Variants in NR6A1 observed in about 807,000 individuals in gnomAD.
NR6A1 encodes nuclear receptor subfamily 6 group A member 1.
NR6A1 carries 7 observed loss-of-function variants against 59.1 expected under a neutral mutation model. The ratio of observed to expected loss-of-function variants is 0.12; its 90% CI spans 0.07 to 0.22. NR6A1 has a LOEUF of 0.22. NR6A1 is among the 10% of genes least tolerant of loss of function. The pLI is 1.00. For synonymous variants in NR6A1, 243 were observed against 236.1 expected (o/e 1.03, Z -0.27); for missense variants, 468 against 611.6 (o/e 0.77, Z 2.48).
chr9:124,723,460 T>A (rs1839622112), intron 2 of NR6A1, among the ~76,000 whole-genome samples: 1 of 152,186 alleles, frequency 6.6e-6, no homozygotes, highest in Non-Finnish European at 1.5e-5. Flanking sequence ...TATGAGCTCT[T>A]CTATTCCTGT....
At chr9:124,561,408 A>G (rs1834080805) in intron 2 of NR6A1, among the ~76,000 whole-genome samples, 1 of 152,180 alleles carries the variant, frequency 6.6e-6, no homozygotes, top group African/African-American at 2.4e-5. Flanking sequence ...ACTGCACTCC[A>G]GCCTACGGGG....
chr9:124,742,813 T>C (rs879569785), intron 1 of NR6A1, among the ~76,000 whole-genome samples: 4 of 151,996 alleles, frequency 2.6e-5, no homozygotes, highest in Middle Eastern at 3.2e-3. Flanking sequence ...GAAGTAGAGG[T>C]TGCAGTGAGC....
At chr9:124,652,067 T>G (rs1837122456) in intron 2 of NR6A1, among the ~76,000 whole-genome samples, 2 of 152,244 alleles carry the variant, frequency 1.3e-5, no homozygotes, top group African/African-American at 4.8e-5. Context: ...ACTAACCTCC[T>G]GTTTTTTATT....
chr9:124,544,712 G>C (rs778760139), intron 3 of NR6A1, among the ~76,000 whole-genome samples: 3 of 152,184 alleles, frequency 2.0e-5, no homozygotes, highest in Non-Finnish European at 4.4e-5. Context: ...TAAAGCATAG[G>C]GGAAGGGTGG....
chr9:124,617,515 G>C (rs550188838), intron 2 of NR6A1, among the ~76,000 whole-genome samples: 2 of 152,268 alleles, frequency 1.3e-5, no homozygotes, highest in South Asian at 2.1e-4. Flanking sequence ...ATCTTTTCTA[G>C]TGTCTGATGA....
chr9:124,661,233 G>C (rs1180209612), intron 2 of NR6A1, among the ~76,000 whole-genome samples: 1 of 152,134 alleles, frequency 6.6e-6, no homozygotes, highest in Non-Finnish European at 1.5e-5. Flanking sequence ...GGCTAAATCA[G>C]AAATTGCCTC....
At chr9:124,764,806 G>T (rs1232250015) in intron 1 of NR6A1, among the ~76,000 whole-genome samples, 1 of 152,050 alleles carries the variant, frequency 6.6e-6, no homozygotes, top group Non-Finnish European at 1.5e-5. Context: ...ACTATTCTGG[G>T]TCAAACCACC....
At chr9:124,550,135 T>TTAG (rs1463474304) in intron 3 of NR6A1, among the ~76,000 whole-genome samples, 1 of 152,208 alleles carries the variant, frequency 6.6e-6, no homozygotes, top group Non-Finnish European at 1.5e-5. Context: ...TTCTCAGTGT[T>TTAG]TCATATCAGG....
intron 2 of NR6A1, among the ~76,000 whole-genome samples, chr9:124,597,530 CA>C (rs1313120659): frequency 2.0e-5 from 3 of 152,172 alleles, no homozygotes; most frequent in Admixed American, 1.3e-4. Flanking sequence ...TGCTTTACTG[CA>C]CCAACTTTTG....
chr9:124,698,793 G>C (rs1838846918), intron 2 of NR6A1, among the ~76,000 whole-genome samples: 1 of 151,970 alleles, frequency 6.6e-6, no homozygotes, highest in African/African-American at 2.4e-5. Context: ...AATTTTAATA[G>C]CTACCAAATA....
chr9:124,638,256 T>C (rs1456892951), intron 2 of NR6A1, among the ~76,000 whole-genome samples: 1 of 150,826 alleles, frequency 6.6e-6, no homozygotes, highest in Non-Finnish European at 1.5e-5. Flanking sequence ...TCTGTCTCTT[T>C]GGTGTTTAAA....
At chr9:124,652,995 C>T (rs1457119953) in intron 2 of NR6A1, among the ~76,000 whole-genome samples, 1 of 152,190 alleles carries the variant, frequency 6.6e-6, no homozygotes, top group Non-Finnish European at 1.5e-5. Context: ...CCTACAGCCT[C>T]TGCTTTGGGA....
At position 124,550,375 on chromosome 9, in the gene NR6A1, ATT is replaced by A. The variant is rs58594452; in HGVS notation, c.385+3951_385+3952del. 4.2e-4 allele frequency among the ~76,000 whole-genome samples: 49 copies of A among 117,606 alleles called. 1 individual carries two copies. Among genetic ancestry groups the A allele is most frequent in the African/African-American group, 1.3e-3 (41 of 30,576 alleles). 77.2% of individuals were successfully genotyped at this position (117,606 alleles called of 152,430 possible). A position where few individuals can be genotyped will look rare whatever the true frequency, so the allele number is the denominator to read the frequency against. On this transcript the variant is annotated intron_variant, in intron 3 of 9. Coordinates refer to ENST00000487099, the MANE Select transcript of NR6A1 (RefSeq NM_033334.4). Reference sequence around the variant, plus strand: ...TATTACTGTGATGTTCTAATGGTGAATTTTTTTTTTTTTTTTTTTTTTTGGTT... The same window carrying A: ...TATTACTGTGATGTTCTAATGGTGAATTTTTTTTTTTTTTTTTTTTTGGTT...
intron 2 of NR6A1, among the ~76,000 whole-genome samples, chr9:124,718,775 G>A (rs920227691): frequency 2.7e-5 from 4 of 146,366 alleles, no homozygotes; most frequent in Admixed American, 6.8e-5. Context: ...TCCATTTATC[G>A]AGTCCCCTAT....
At chr9:124,704,924 TAGGGTTTC>T (rs1434517524) in intron 2 of NR6A1, among the ~76,000 whole-genome samples, 1 of 151,914 alleles carries the variant, frequency 6.6e-6, no homozygotes, top group Non-Finnish European at 1.5e-5. Context: ...TTTTTGGAGA[TAGGGTTTC>T]ACCATGTTGC....
intron 3 of NR6A1, among the ~76,000 whole-genome samples, chr9:124,550,711 A>C (rs781345622): frequency 6.6e-6 from 1 of 151,498 alleles, no homozygotes; most frequent in African/African-American, 2.4e-5. Context: ...ATTTATATTT[A>C]TATTTTTAGA....
intron 2 of NR6A1, among the ~76,000 whole-genome samples, chr9:124,608,387 G>A (rs1406294504): frequency 6.6e-6 from 1 of 151,890 alleles, no homozygotes; most frequent in South Asian, 2.1e-4. Context: ...ATGAGAACAT[G>A]CAGTGTTTGG....
chr9:124,727,905 G>A (rs372607610), intron 2 of NR6A1, among the ~76,000 whole-genome samples: 4 of 152,040 alleles, frequency 2.6e-5, no homozygotes, highest in South Asian at 2.1e-4. Flanking sequence ...GGATGGTCTC[G>A]ATCTCCTGAC....
At chr9:124,741,771 T>G (rs1422826161) in intron 1 of NR6A1, among the ~76,000 whole-genome samples, 2 of 152,236 alleles carry the variant, frequency 1.3e-5, no homozygotes, top group Non-Finnish European at 2.9e-5. Flanking sequence ...GTTTGAGTCC[T>G]GGCACCATTA....
Sources: gnomAD v4.1 joint callset for allele counts (sites outside exome capture counted in the v4.1 genomes callset) on GRCh38, gnomAD v4.1.1 for gene constraint, MANE v1.5 for transcripts, NCBI Gene and HGNC (gene_info 2026-07-23, HGNC 2026-07-21) for gene names.